CCSER1: variants seen among roughly 807,000 people sequenced by gnomAD.
The protein encoded by CCSER1 is coiled-coil serine rich protein 1, also known as serine-rich coiled-coil domain-containing protein 1.
In CCSER1, 41 loss-of-function variants were observed where a neutral mutation model predicts 82.0. That is an observed-to-expected ratio of 0.50 (90% CI 0.39 to 0.65). CCSER1 has a LOEUF of 0.65. CCSER1 is among the 30% of genes least tolerant of loss of function. CCSER1 has a pLI of 0.00. For missense variants in CCSER1, 1,119 were observed against 1,064.2 expected (o/e 1.05, Z -0.72); for synonymous variants, 414 against 383.9 (o/e 1.08, Z -0.92).
intron 9 of CCSER1, 112 bp downstream of exon 9, chr4:90,923,559 G>C (rs995249946): frequency 2.9e-6 from 2 of 691,592 alleles, no homozygotes; most frequent in Non-Finnish European, 4.9e-6. Context: ...GGATTTAGCG[G>C]TGCACCATTC....
intron 10 of CCSER1, among the ~76,000 whole-genome samples, chr4:91,440,532 C>T (rs574333477): frequency 1.1e-4 from 16 of 152,160 alleles, no homozygotes; most frequent in South Asian, 1.0e-3. Context: ...TATCTAAAAT[C>T]GACAGCCTAA....
chr4:90,705,469 A>T (rs551362398), intron 6 of CCSER1, among the ~76,000 whole-genome samples: 1 of 152,286 alleles, frequency 6.6e-6, no homozygotes, highest in South Asian at 2.1e-4. Context: ...CTCAAATTCC[A>T]TGCTGGGAGA....
intron 9 of CCSER1, among the ~76,000 whole-genome samples, chr4:90,933,331 G>A (rs1437897961): frequency 6.6e-6 from 1 of 151,564 alleles, no homozygotes; most frequent in Non-Finnish European, 1.5e-5. Context: ...GGGACTACAG[G>A]CGCCCGCCAC....
At chr4:91,065,788 ATAAT>A in intron 9 of CCSER1, among the ~76,000 whole-genome samples, 1 of 152,252 alleles carries the variant, frequency 6.6e-6, no homozygotes, top group East Asian at 1.9e-4. Flanking sequence ...GAAATTATAA[ATAAT>A]TTTTCACCGA....
At chr4:90,312,730 T>C in intron 2 of CCSER1, 133 bp from the exon 3 acceptor site, 1 of 693,558 alleles carries the variant, frequency 1.4e-6, no homozygotes. Flanking sequence ...ACTGATGCTA[T>C]ACATTTAAAA....
chr4:90,424,879 G>T (rs1757313579), intron 4 of CCSER1, among the ~76,000 whole-genome samples: 1 of 152,044 alleles, frequency 6.6e-6, no homozygotes, highest in South Asian at 2.1e-4. Flanking sequence ...TTCCTCTTTT[G>T]TGAATAGCAC....
chr4:90,180,979 C>CTT (rs1733627050), intron 1 of CCSER1, among the ~76,000 whole-genome samples: 1 of 152,064 alleles, frequency 6.6e-6, no homozygotes, highest in East Asian at 1.9e-4. Flanking sequence ...GTCTCAATTT[C>CTT]TTTATATATA....
At chr4:90,747,592 C>T (rs1219077545) in intron 7 of CCSER1, among the ~76,000 whole-genome samples, 1 of 150,984 alleles carries the variant, frequency 6.6e-6, no homozygotes, top group East Asian at 1.9e-4. Flanking sequence ...TTCTCTTTCT[C>T]GGTTTTGCCT....
At chr4:90,330,279 A>C (rs1481715442) in intron 3 of CCSER1, among the ~76,000 whole-genome samples, 1 of 152,176 alleles carries the variant, frequency 6.6e-6, no homozygotes, top group Non-Finnish European at 1.5e-5. Flanking sequence ...CAGCTGTCAG[A>C]TAATTCATAT....
At chr4:91,312,077 C>T (rs1320510391) in intron 10 of CCSER1, among the ~76,000 whole-genome samples, 1 of 151,728 alleles carries the variant, frequency 6.6e-6, no homozygotes, top group African/African-American at 2.4e-5. Context: ...ATGGAAGGAG[C>T]TCTGGCTTTA....
At chr4:90,494,434 C>T (rs1450969253) in intron 5 of CCSER1, among the ~76,000 whole-genome samples, 1 of 152,172 alleles carries the variant, frequency 6.6e-6, no homozygotes, top group African/African-American at 2.4e-5. Flanking sequence ...ATCTACAGAA[C>T]TCTCCACCCC....
intron 1 of CCSER1, among the ~76,000 whole-genome samples, chr4:90,165,436 C>T (rs1426717204): frequency 6.6e-6 from 1 of 152,022 alleles, no homozygotes; most frequent in Non-Finnish European, 1.5e-5. Context: ...TATCCTATTA[C>T]TGAGTCATTC....
At chr4:91,245,085 A>T (rs185539945) in intron 10 of CCSER1, among the ~76,000 whole-genome samples, 2 of 152,062 alleles carry the variant, frequency 1.3e-5, no homozygotes, top group Non-Finnish European at 2.9e-5. Flanking sequence ...TTGGAAATAC[A>T]TGGTCAGAGG....
At chr4:90,186,958 A>G (rs1028333625) in intron 1 of CCSER1, among the ~76,000 whole-genome samples, 3 of 151,522 alleles carry the variant, frequency 2.0e-5, no homozygotes, top group South Asian at 2.1e-4. Flanking sequence ...TTTCCCTTTC[A>G]TCTTTGCTGT....
At chr4:90,706,383 C>G (rs7667739) in intron 6 of CCSER1, among the ~76,000 whole-genome samples, 31,168 of 152,114 alleles carry the variant, frequency 0.2, 3,535 homozygotes, top group Middle Eastern at 0.27. Flanking sequence ...AAGTTGAAGT[C>G]TGCAGTGAGC....
chr4:90,582,684 A>G (rs1425709106), intron 5 of CCSER1, among the ~76,000 whole-genome samples: 1 of 152,156 alleles, frequency 6.6e-6, no homozygotes, highest in Admixed American at 6.5e-5. Flanking sequence ...TCTCTTAGCT[A>G]TGGACCACTT....
intron 10 of CCSER1, among the ~76,000 whole-genome samples, chr4:91,521,231 T>C (rs1339569504): frequency 6.6e-6 from 1 of 152,242 alleles, no homozygotes; most frequent in Non-Finnish European, 1.5e-5. Context: ...TTTTTATGGC[T>C]GCATAGTATT....
intron 10 of CCSER1, among the ~76,000 whole-genome samples, chr4:91,159,410 A>T (rs1257300425): frequency 6.6e-6 from 1 of 152,010 alleles, no homozygotes; most frequent in Non-Finnish European, 1.5e-5. Flanking sequence ...GTTTTCCGAT[A>T]AAAATATCTC....
Position 90,267,287 on chromosome 4 carries a change from G to T in CCSER1, c.-41-40957G>T, listed in dbSNP as rs1301467585. On this transcript the variant is annotated intron_variant, in intron 1 of 10. Coordinates refer to ENST00000509176, the MANE Select transcript of CCSER1 (RefSeq NM_001145065.2). ...GGAAAGAGGAATGAAGAGGGGGAAA[G>T]ACTTTGTCATGTGGCTTGTATTCCA... Among the ~76,000 whole-genome samples, 8 of 151,924 alleles carry T rather than the reference G, an allele frequency of 5.3e-5. No individual in the cohort carries two copies. The East Asian group carries it at 1.6e-3, about 30-fold the overall frequency.
Sources: gnomAD v4.1 joint callset for allele counts (sites outside exome capture counted in the v4.1 genomes callset) on GRCh38, gnomAD v4.1.1 for gene constraint, MANE v1.5 for transcripts, NCBI Gene and HGNC (gene_info 2026-07-23, HGNC 2026-07-21) for gene names.